CACNA2D1: variants seen among roughly 807,000 people sequenced by gnomAD.
The protein encoded by CACNA2D1 is calcium voltage-gated channel auxiliary subunit alpha2delta 1.
A neutral mutation model predicts 171.5 loss-of-function variants in CACNA2D1; 53 were observed. The observed-to-expected ratio is 0.31, with a 90% CI of 0.25 to 0.39. CACNA2D1 has a LOEUF of 0.39. Ranked by LOEUF, CACNA2D1 falls within the 10% of genes least tolerant of loss-of-function variation. The pLI is 1.00. For missense variants in CACNA2D1, 903 were observed against 1,299.8 expected, an observed-to-expected ratio of 0.69 and a Z score of 4.69; for synonymous variants, 442 against 443.1, an observed-to-expected ratio of 1.00 and a Z score of 0.03.
chr7:82,015,443 A>T (rs1160223338), intron 12 of CACNA2D1, among the ~76,000 whole-genome samples: 1 of 152,192 alleles, frequency 6.6e-6, no homozygotes, highest in African/African-American at 2.4e-5. Context: ...CAAATATTTT[A>T]AAATCAATAG....
intron 3 of CACNA2D1, among the ~76,000 whole-genome samples, chr7:82,236,329 A>G (rs760124219): frequency 9.2e-5 from 14 of 152,102 alleles, no homozygotes; most frequent in Non-Finnish European, 2.1e-4. Flanking sequence ...AATGGAAACC[A>G]GAGGGTGATT....
chr7:82,270,699 C>T (rs978838779), intron 3 of CACNA2D1, among the ~76,000 whole-genome samples: 1 of 152,204 alleles, frequency 6.6e-6, no homozygotes, highest in East Asian at 1.9e-4. Context: ...TCTCCATATG[C>T]TAGCTCCTCT....
chr7:82,035,344 A>C (rs191316845), intron 11 of CACNA2D1, among the ~76,000 whole-genome samples: 1,371 of 111,272 alleles, frequency 0.012, 27 homozygotes, highest in African/African-American at 0.033. Flanking sequence ...TGCTGCGAGG[A>C]CAAAAAAAAA....
intron 3 of CACNA2D1, among the ~76,000 whole-genome samples, chr7:82,325,451 T>C (rs980211350): frequency 6.6e-6 from 1 of 151,472 alleles, no homozygotes; most frequent in African/African-American, 2.4e-5. Flanking sequence ...GAGAGCCCAG[T>C]AGAGCATTAA....
chr7:82,330,223 T>C (rs1282649144), intron 3 of CACNA2D1, among the ~76,000 whole-genome samples: 1 of 152,120 alleles, frequency 6.6e-6, no homozygotes, highest in East Asian at 1.9e-4. Flanking sequence ...ATAAGTAGTT[T>C]AGAGTCAAAC....
intron 1 of CACNA2D1, among the ~76,000 whole-genome samples, chr7:82,393,588 G>A (rs572007347): frequency 6.6e-6 from 1 of 152,198 alleles, no homozygotes; most frequent in African/African-American, 2.4e-5. Flanking sequence ...AACAAACACT[G>A]AGAATTGAAA....
At chr7:82,162,442 GACTATCCACAGA>G (rs1393768447) in intron 4 of CACNA2D1, among the ~76,000 whole-genome samples, 1 of 151,932 alleles carries the variant, frequency 6.6e-6, no homozygotes, top group Non-Finnish European at 1.5e-5. Context: ...AAGTTGATGA[GACTATCCACAGA>G]AGGCATGAGC....
intron 3 of CACNA2D1, among the ~76,000 whole-genome samples, chr7:82,286,836 G>T (rs906739448): frequency 6.6e-6 from 1 of 152,128 alleles, no homozygotes; most frequent in Non-Finnish European, 1.5e-5. Flanking sequence ...CTATTTAAGT[G>T]TGTGGAGATT....
At chr7:82,054,803 A>C (rs1420403160) in intron 10 of CACNA2D1, among the ~76,000 whole-genome samples, 1 of 152,208 alleles carries the variant, frequency 6.6e-6, no homozygotes, top group Admixed American at 6.5e-5. Context: ...CTATGGCAAC[A>C]CAATTGCTAA....
chr7:82,177,293 C>T (rs6966626), intron 3 of CACNA2D1, among the ~76,000 whole-genome samples: 25,481 of 151,908 alleles, frequency 0.17, 2,237 homozygotes, highest in Middle Eastern at 0.22. Flanking sequence ...ACAGAGCAAT[C>T]ACCATAATAA....
At chr7:81,978,819 TATTTA>T in intron 24 of CACNA2D1, among the ~76,000 whole-genome samples, 1 of 19,672 alleles carries the variant, frequency 5.1e-5, no homozygotes, top group Non-Finnish European at 1.2e-4. Flanking sequence ...TATATATATA[TATTTA>T]TTTATTTATT....
chr7:82,195,596 C>T (rs986742493), intron 3 of CACNA2D1, among the ~76,000 whole-genome samples: 17 of 151,676 alleles, frequency 1.1e-4, no homozygotes, highest in Non-Finnish European at 7.4e-5. Flanking sequence ...GTGAAATCTC[C>T]TGTCTCTAAC....
intron 2 of CACNA2D1, among the ~76,000 whole-genome samples, chr7:82,348,764 G>A (rs1278646323): frequency 6.6e-6 from 1 of 151,872 alleles, no homozygotes; most frequent in Non-Finnish European, 1.5e-5. Context: ...TTATCTCATT[G>A]ACTCATCACA....
At chr7:82,347,536 C>G (rs1256194011) in intron 2 of CACNA2D1, among the ~76,000 whole-genome samples, 1 of 152,090 alleles carries the variant, frequency 6.6e-6, no homozygotes, top group Non-Finnish European at 1.5e-5. Context: ...CTGGTCCTCA[C>G]CATATATCCA....
intron 10 of CACNA2D1, among the ~76,000 whole-genome samples, chr7:82,044,426 G>A (rs1389116226): frequency 2.6e-5 from 4 of 152,064 alleles, no homozygotes; most frequent in African/African-American, 9.7e-5. Flanking sequence ...ATAAATAATG[G>A]TGCAAAATTG....
At chr7:82,149,798 A>G (rs143954672) in intron 4 of CACNA2D1, among the ~76,000 whole-genome samples, 1 of 150,000 alleles carries the variant, frequency 6.7e-6, no homozygotes, top group East Asian at 2.0e-4. Flanking sequence ...AAACAACAAA[A>G]AAAAAAACAT....
intron 1 of CACNA2D1, among the ~76,000 whole-genome samples, chr7:82,380,612 A>C (rs1823587928): frequency 6.6e-6 from 1 of 151,964 alleles, no homozygotes; most frequent in South Asian, 2.1e-4. Context: ...ATATAATTAA[A>C]ATTTATATAA....
At chr7:82,102,006 G>A (rs559069559) in intron 6 of CACNA2D1, among the ~76,000 whole-genome samples, 1 of 152,166 alleles carries the variant, frequency 6.6e-6, no homozygotes, top group African/African-American at 2.4e-5. Flanking sequence ...CTGTGGACAT[G>A]GAAAGGAACA....
intron 6 of CACNA2D1, among the ~76,000 whole-genome samples, chr7:82,110,613 G>C (rs4732425): frequency 0.26 from 40,008 of 152,004 alleles, 5,655 homozygotes; most frequent in East Asian, 0.37. Flanking sequence ...CTCCCCGTTC[G>C]CTTGCTAACT....
Sources: allele counts gnomAD v4.1 joint callset (sites outside exome capture counted in the v4.1 genomes callset), GRCh38; gene constraint gnomAD v4.1.1; transcripts MANE v1.5; gene names NCBI Gene and HGNC (gene_info 2026-07-23, HGNC 2026-07-21).